PHLDB2: variants seen among roughly 807,000 people sequenced by gnomAD.
PHLDB2 encodes pleckstrin homology like domain family B member 2, also known as pleckstrin homology-like domain family B member 2.
Under a neutral mutation model 123.6 loss-of-function variants are expected in PHLDB2, and 71 were observed. That is an observed-to-expected ratio of 0.57 (90% confidence interval 0.47 to 0.70). The LOEUF is 0.70. Ranked by LOEUF, PHLDB2 falls within the 30% of genes least tolerant of loss-of-function variation. The pLI, the probability that PHLDB2 is intolerant of heterozygous loss-of-function variation, is 0.00. For missense variants in PHLDB2, 1,446 were observed against 1,519.5 expected (o/e 0.95, Z 0.80); for synonymous variants, 547 against 541.6 (o/e 1.01, Z -0.14).
intron 5 of PHLDB2, among the ~76,000 whole-genome samples, chr3:111,930,328 A>C (rs1311246318): frequency 6.6e-6 from 1 of 152,074 alleles, no homozygotes; most frequent in African/African-American, 2.4e-5. Context: ...TGTATTATCA[A>C]ATATCATATC....
intron 2 of PHLDB2, among the ~76,000 whole-genome samples, chr3:111,901,376 T>A (rs1476333793): frequency 6.7e-6 from 1 of 149,462 alleles, no homozygotes; most frequent in African/African-American, 2.5e-5. Context: ...AAAAAAAAAA[T>A]TAACACATAA....
chr3:111,753,573 C>T (rs1401924830), intron 1 of PHLDB2, among the ~76,000 whole-genome samples: 25 of 151,880 alleles, frequency 1.6e-4, no homozygotes, highest in African/African-American at 2.9e-4. Flanking sequence ...GAGTAGGTTG[C>T]GAAAACTTTC....
intron 1 of PHLDB2, among the ~76,000 whole-genome samples, chr3:111,735,197 A>T (rs1460528296): frequency 6.6e-6 from 1 of 152,172 alleles, no homozygotes; most frequent in Non-Finnish European, 1.5e-5. Flanking sequence ...CACTCATTTA[A>T]ATCTAAGAGA....
At chr3:111,936,944 TCTTAATTC>T (rs1165768737) in intron 6 of PHLDB2, among the ~76,000 whole-genome samples, 2 of 152,256 alleles carry the variant, frequency 1.3e-5, no homozygotes, top group Non-Finnish European at 2.9e-5. Flanking sequence ...TTGAGTTAGT[TCTTAATTC>T]CTTAATTCTT....
intron 1 of PHLDB2, among the ~76,000 whole-genome samples, chr3:111,767,419 A>G (rs1383568757): frequency 1.3e-5 from 2 of 152,238 alleles, no homozygotes; most frequent in Non-Finnish European, 2.9e-5. Context: ...GTTGACACCA[A>G]ACTAGTGAAT....
intron 1 of PHLDB2, among the ~76,000 whole-genome samples, chr3:111,793,406 A>G (rs2061015343): frequency 6.6e-6 from 1 of 152,088 alleles, no homozygotes; most frequent in African/African-American, 2.4e-5. Context: ...GAACACTGTT[A>G]GATCTGGGTC....
At chr3:111,955,374 A>G (rs1457648227) in intron 12 of PHLDB2, among the ~76,000 whole-genome samples, 5 of 152,078 alleles carry the variant, frequency 3.3e-5, no homozygotes, top group Admixed American at 1.3e-4. Flanking sequence ...ACATAAATCC[A>G]TCTATTTTGG....
At chr3:111,776,360 A>T (rs2060267952) in intron 1 of PHLDB2, among the ~76,000 whole-genome samples, 1 of 152,202 alleles carries the variant, frequency 6.6e-6, no homozygotes. Context: ...ACATTTTAAT[A>T]TAAGAAATTC....
intron 1 of PHLDB2, chr3:111,778,190 G>C (rs994720560): frequency 1.3e-5 from 2 of 151,896 alleles, no homozygotes; most frequent in African/African-American, 4.8e-5. Flanking sequence ...TTTGGAGGTA[G>C]GTCTTTACAA....
At chr3:111,807,592 G>A (rs1005800074) in intron 1 of PHLDB2, among the ~76,000 whole-genome samples, 6 of 152,016 alleles carry the variant, frequency 3.9e-5, no homozygotes, top group Non-Finnish European at 7.4e-5. Flanking sequence ...AGCCAGGCGC[G>A]TGATTTTTTT....
Position 111,884,255 on chromosome 3 carries a change from T to C in PHLDB2, c.178T>C (p.Leu60=), listed in dbSNP as rs748911784. The change falls in exon 2 of 18, where the codon TTA becomes CTA. Residue 60 remains leucine, a synonymous_variant. Coordinates refer to ENST00000431670, the MANE Select transcript of PHLDB2 (RefSeq NM_001134438.2). Reference sequence around the variant, plus strand: ...CAATGGAGACTATTCTGGCTCCTATTTAACCCTCTCACAACCTGTGCCTGC... The same window carrying C: ...CAATGGAGACTATTCTGGCTCCTATCTAACCCTCTCACAACCTGTGCCTGC... ...KANGDYSGSY[L]TLSQPVPAKR... 1 of 1,614,172 alleles carries C rather than the reference T, an allele frequency of 6.2e-7. No individual in the cohort carries two copies. The highest frequency in any genetic ancestry group is 8.5e-7 in the Non-Finnish European group (1 of 1,179,990).
intron 1 of PHLDB2, among the ~76,000 whole-genome samples, chr3:111,761,740 T>C (rs2059998401): frequency 6.6e-6 from 1 of 152,254 alleles, no homozygotes; most frequent in South Asian, 2.1e-4. Context: ...TCTAACAAGT[T>C]CCCAGGTGAT....
chr3:111,853,732 A>C (rs186215679), intron 2 of PHLDB2, among the ~76,000 whole-genome samples: 53 of 152,202 alleles, frequency 3.5e-4, no homozygotes, highest in African/African-American at 1.2e-3. Context: ...AAAATTAGCT[A>C]GGCATGGTGG....
chr3:111,884,876 C>G lies in PHLDB2; in HGVS notation c.799C>G (p.Leu267Val). 1 of 1,614,172 alleles carries G rather than the reference C, an allele frequency of 6.2e-7. No homozygotes were observed. The highest frequency in any genetic ancestry group is 8.5e-7 in the Non-Finnish European group (1 of 1,180,030). Residue 267 changes from leucine to valine, a missense_variant, in exon 2 of 18, where the codon CTG (leucine) becomes GTG (valine). Around this residue, in one of 3 missense-constraint regions of PHLDB2, gnomAD observed 832 missense variants for 831.9 expected, o/e 1.00. Transcript: ENST00000431670. ...GTTGTACAGAGCCACAGAGAACCAG[C>G]TGACACCTCTCAGCTTGCCTCCAAG... ...PRLYRATENQ[L>V]TPLSLPPRNS...
chr3:111,905,781 A>G (rs888188350), intron 2 of PHLDB2, among the ~76,000 whole-genome samples: 5 of 152,170 alleles, frequency 3.3e-5, no homozygotes, highest in Non-Finnish European at 7.3e-5. Flanking sequence ...GTTGCAACAT[A>G]TTATGTTACA....
chr3:111,885,893 C>T (rs2107338860), intron 2 of PHLDB2: 1 of 435,244 alleles, frequency 2.3e-6, no homozygotes, highest in East Asian at 4.3e-5. Flanking sequence ...CTCAGTGGTG[C>T]TCAGCTTTTC....
intron 2 of PHLDB2, among the ~76,000 whole-genome samples, chr3:111,853,462 C>T (rs917269915): frequency 6.6e-6 from 1 of 152,168 alleles, no homozygotes; most frequent in African/African-American, 2.4e-5. Flanking sequence ...CAATGGTCAA[C>T]ATCATTATCA....
chr3:111,874,261 C>T (rs932084506), intron 1 of PHLDB2, among the ~76,000 whole-genome samples: 4 of 152,198 alleles, frequency 2.6e-5, no homozygotes, highest in Non-Finnish European at 4.4e-5. Flanking sequence ...ATTCGCCCCA[C>T]TCTGTGTTCC....
At chr3:111,828,315 C>A (rs927647555) in intron 1 of PHLDB2, among the ~76,000 whole-genome samples, 1 of 152,186 alleles carries the variant, frequency 6.6e-6, no homozygotes, top group African/African-American at 2.4e-5. Context: ...TCCTCCTGTG[C>A]ACTGATTGAT....
Sources: gnomAD v4.1 joint callset for allele counts (sites outside exome capture counted in the v4.1 genomes callset) on GRCh38, gnomAD v4.1.1 for gene constraint, gnomAD v4.1.1 regional missense constraint, MANE v1.5 for transcripts, NCBI Gene and HGNC (gene_info 2026-07-23, HGNC 2026-07-21) for gene names.